ACYP2: variants seen among roughly 807,000 people sequenced by gnomAD.
ACYP2 encodes acylphosphatase-2.
Under a neutral mutation model 11.2 loss-of-function variants are expected in ACYP2, and 12 were observed. The observed-to-expected ratio is 1.08, with a 90% CI of 0.69 to 1.74. The LOEUF (loss-of-function observed/expected upper bound fraction) is 1.74, where lower values mean the gene tolerates loss of function less well. Among genes scored for constraint, ACYP2 ranks in the 40% most tolerant of loss-of-function variants. The pLI is 0.00. For missense variants in ACYP2, 134 were observed against 101.9 expected (o/e 1.31, Z -1.35); for synonymous variants, 43 against 32.2 (o/e 1.33, Z -1.13).
intron 3 of ACYP2, among the ~76,000 whole-genome samples, chr2:54,054,813 C>A (rs1199723878): frequency 6.6e-6 from 1 of 152,108 alleles, no homozygotes; most frequent in Non-Finnish European, 1.5e-5. Flanking sequence ...GACATATCTC[C>A]CATTGTTTTC....
At chr2:54,124,320 G>A (rs546634189) in intron 4 of ACYP2, among the ~76,000 whole-genome samples, 8 of 152,078 alleles carry the variant, frequency 5.3e-5, no homozygotes, top group African/African-American at 1.7e-4. Context: ...TCAGCCTCCT[G>A]TGTAGCTGGG....
intron 4 of ACYP2, among the ~76,000 whole-genome samples, chr2:54,110,397 T>C (rs764723144): frequency 6.6e-6 from 1 of 152,200 alleles, no homozygotes; most frequent in Non-Finnish European, 1.5e-5. Context: ...GATGATTCTG[T>C]AATGTTTAGT....
At chr2:54,116,547 T>G (rs377726719) in intron 4 of ACYP2, among the ~76,000 whole-genome samples, 2 of 150,346 alleles carry the variant, frequency 1.3e-5, no homozygotes, top group Non-Finnish European at 3.0e-5. Context: ...TTCTGCAATA[T>G]GTATATGTAC....
At chr2:54,019,449 T>C (rs1300404203) in intron 2 of ACYP2, among the ~76,000 whole-genome samples, 4 of 151,858 alleles carry the variant, frequency 2.6e-5, no homozygotes, top group African/African-American at 9.7e-5. Context: ...CAATCATGGT[T>C]CATTGCAACC....
rs377131329 is a variant in ACYP2 at position 54,203,666 on chromosome 2, G to T, written c.404+64918G>T. ...TGTTGAGTGGTTTTTCTCATGAAAG[G>T]GTGCTAGATTTTGTTAAGTGCTTTT... is the stretch of plus-strand genomic sequence containing the variant. On this transcript the variant is annotated intron_variant, in intron 6 of 6. Transcript: ENST00000607452. Among the ~76,000 whole-genome samples, 9 of 152,180 alleles carry T rather than the reference G, an allele frequency of 5.9e-5. No individual in the cohort carries two copies. In the East Asian group the frequency reaches 9.7e-4, roughly 16 times the overall value.
intron 2 of ACYP2, among the ~76,000 whole-genome samples, chr2:54,035,948 A>C (rs923099127): frequency 1.3e-5 from 2 of 152,208 alleles, no homozygotes; most frequent in African/African-American, 2.4e-5. Flanking sequence ...TCAACAATAT[A>C]ATTAAATGTA....
intron 4 of ACYP2, among the ~76,000 whole-genome samples, chr2:54,112,786 G>A (rs1255784015): frequency 2.0e-5 from 3 of 152,188 alleles, no homozygotes; most frequent in African/African-American, 7.2e-5. Flanking sequence ...AATCCATGCC[G>A]AAATGGTACA....
chr2:54,210,838 C>G (rs2103930014), intron 6 of ACYP2, among the ~76,000 whole-genome samples: 1 of 152,154 alleles, frequency 6.6e-6, no homozygotes, highest in Non-Finnish European at 1.5e-5. Context: ...TAAAGTTAGC[C>G]TGATTGACAT....
chr2:54,015,855 G>C (rs567254870), intron 2 of ACYP2, among the ~76,000 whole-genome samples: 1 of 151,838 alleles, frequency 6.6e-6, no homozygotes, highest in Non-Finnish European at 1.5e-5. Flanking sequence ...GGAGAGATGG[G>C]GTTTTGTTAT....
At chr2:54,278,654 G>C (rs772504058) in intron 6 of ACYP2, among the ~76,000 whole-genome samples, 2 of 152,162 alleles carry the variant, frequency 1.3e-5, no homozygotes, top group Non-Finnish European at 2.9e-5. Flanking sequence ...TTCTGCTTTA[G>C]CTTACATGCA....
At chr2:54,043,385 G>A (rs372357510) in intron 2 of ACYP2, among the ~76,000 whole-genome samples, 251 of 152,304 alleles carry the variant, frequency 1.6e-3, no homozygotes, top group African/African-American at 5.8e-3. Flanking sequence ...CACAGTGATT[G>A]AAGGCATGCT....
At chr2:54,122,166 C>G (rs1680196654) in intron 4 of ACYP2, among the ~76,000 whole-genome samples, 1 of 152,148 alleles carries the variant, frequency 6.6e-6, no homozygotes, top group East Asian at 1.9e-4. Flanking sequence ...CACATGCAGT[C>G]AGATCCCAGG....
intron 4 of ACYP2, among the ~76,000 whole-genome samples, chr2:54,117,833 T>C (rs535544536): frequency 6.6e-6 from 1 of 152,320 alleles, no homozygotes; most frequent in African/African-American, 2.4e-5. Context: ...AATAAGTTCA[T>C]TACTGGTGAT....
intron 6 of ACYP2, among the ~76,000 whole-genome samples, chr2:54,242,687 C>G (rs929444476): frequency 3.3e-5 from 5 of 152,200 alleles, no homozygotes; most frequent in African/African-American, 1.2e-4. Context: ...AGTAACATGG[C>G]ATACTATACA....
intron 6 of ACYP2, among the ~76,000 whole-genome samples, chr2:54,258,904 G>GC (rs1240095750): frequency 6.6e-6 from 1 of 152,200 alleles, no homozygotes; most frequent in Non-Finnish European, 1.5e-5. Context: ...TGACAAAAAA[G>GC]CAGAAGAGCA....
At chr2:54,003,660 C>A (rs1672915466) in intron 2 of ACYP2, among the ~76,000 whole-genome samples, 1 of 152,006 alleles carries the variant, frequency 6.6e-6, no homozygotes, top group South Asian at 2.1e-4. Context: ...GTTTTTTTCC[C>A]CCAGTTTTGG....
Position 54,026,036 on chromosome 2 carries a change from G to A in ACYP2, c.63-24922G>A, listed in dbSNP as rs186682191. ...GGAGGGTGAGGCAGGAGAATCACTT[G>A]AATGCAGGAGGTGGAGGTTGCAGTG... On this transcript the variant is annotated intron_variant, in intron 2 of 6. Coordinates refer to ENST00000607452, the MANE Select transcript of ACYP2 (RefSeq NM_001320586.2). 1.4e-4 allele frequency among the ~76,000 whole-genome samples: 21 copies of A among 152,340 alleles called. No homozygotes were observed. In the East Asian group the frequency reaches 4.1e-3, roughly 29 times the overall value.
chr2:54,117,767 A>T lies in ACYP2; in HGVS notation c.278-17686A>T, dbSNP rs550841033. On this transcript the variant is annotated intron_variant, in intron 4 of 6. Transcript: ENST00000607452. ...TTGTAAAGAGATCTTTTTTTAATTT[A>T]ATTTTATTTTTATTTCCTATAGGTC... 6.6e-5 allele frequency among the ~76,000 whole-genome samples: 10 copies of T among 152,132 alleles called. No individual in the cohort carries two copies. The South Asian group carries it at 8.3e-4, about 13-fold the overall frequency.
At chr2:54,144,925 A>G (rs1681817654) in intron 6 of ACYP2, among the ~76,000 whole-genome samples, 1 of 152,112 alleles carries the variant, frequency 6.6e-6, no homozygotes, top group South Asian at 2.1e-4. Context: ...TTGCTCCTCT[A>G]AGTCTTCAAC....
Sources: allele counts gnomAD v4.1 joint callset (sites outside exome capture counted in the v4.1 genomes callset), GRCh38; gene constraint gnomAD v4.1.1; transcripts MANE v1.5; gene names NCBI Gene and HGNC (gene_info 2026-07-23, HGNC 2026-07-21).